The following MPP2 variants were observed in gnomAD, a reference collection of about 807,000 sequenced individuals.
MPP2 encodes MAGUK p55 scaffold protein 2.
A neutral mutation model predicts 58.5 loss-of-function variants in MPP2; 42 were observed. The ratio of observed to expected loss-of-function variants is 0.72; its 90% CI spans 0.56 to 0.93. The LOEUF (loss-of-function observed/expected upper bound fraction) is 0.93. Ranked by LOEUF, MPP2 falls within the 40% of genes least tolerant of loss-of-function variation. The pLI is 0.00. For missense variants in MPP2, 632 were observed against 760.4 expected, an observed-to-expected ratio of 0.83 and a Z score of 1.99; for synonymous variants, 300 against 307.8, an observed-to-expected ratio of 0.97 and a Z score of 0.26.
intron 3 of MPP2, among the ~76,000 whole-genome samples, chr17:43,893,569 C>A (rs1387148088): frequency 6.6e-6 from 1 of 152,212 alleles, no homozygotes; most frequent in East Asian, 1.9e-4. Flanking sequence ...AGTAGGTGAA[C>A]AGCAGGAGGT....
chr17:43,908,988 A>C (rs2048376105), upstream of MPP2, among the ~76,000 whole-genome samples: 1 of 152,246 alleles, frequency 6.6e-6, no homozygotes, highest in Non-Finnish European at 1.5e-5. Context: ...GTCTCTAAAC[A>C]AAGAGGGTTC....
At chr17:43,908,374 G>C (rs2048366486), upstream of MPP2, among the ~76,000 whole-genome samples, 1 of 152,216 alleles carries the variant, frequency 6.6e-6, no homozygotes, top group African/African-American at 2.4e-5. Context: ...ACCCCGTCCA[G>C]TTGCCCTGAA....
intron 1 of MPP2, chr17:43,906,117 AG>A (rs1662900860): frequency 1.0e-6 from 1 of 984,986 alleles, no homozygotes; most frequent in Admixed American, 6.1e-5. Flanking sequence ...TCTCCCTCAC[AG>A]GGTCAGAGAA....
intron 3 of MPP2, among the ~76,000 whole-genome samples, chr17:43,893,504 C>T (rs752660242): frequency 2.0e-5 from 3 of 152,176 alleles, no homozygotes; most frequent in Non-Finnish European, 4.4e-5. Flanking sequence ...TATATTAGAA[C>T]AGGGGTCCCC....
intron 3 of MPP2, among the ~76,000 whole-genome samples, chr17:43,887,754 C>A (rs1253204351): frequency 6.6e-6 from 1 of 151,840 alleles, no homozygotes; most frequent in Non-Finnish European, 1.5e-5. Flanking sequence ...CAGCAAGACC[C>A]CATCTCTATT....
intron 3 of MPP2, among the ~76,000 whole-genome samples, chr17:43,889,275 C>A (rs1255242344): frequency 6.6e-6 from 1 of 151,890 alleles, no homozygotes; most frequent in South Asian, 2.1e-4. Context: ...GAACCCACCA[C>A]CCAAACTAAA....
At chr17:43,893,371 A>T (rs2047687531) in intron 3 of MPP2, among the ~76,000 whole-genome samples, 1 of 152,250 alleles carries the variant, frequency 6.6e-6, no homozygotes, top group South Asian at 2.1e-4. Flanking sequence ...AGAAACCCTC[A>T]TATGCATGCA....
In MPP2 at chr17:43,876,638, G is replaced by GACACACAC. The variant is rs112263548; in HGVS notation, c.*1161_*1168dup. The GACACACAC allele has an allele frequency of 5.5e-3, 743 of 134,566 alleles. 1 individual carries two copies. The highest frequency in any genetic ancestry group is 0.022 in the Middle Eastern group (6 of 274). 8.3% of individuals were successfully genotyped at this position (134,566 alleles called of 1,614,324 possible). A position where few individuals can be genotyped will look rare whatever the true frequency, so the allele number is the denominator to read the frequency against. On this transcript the variant is annotated 3_prime_UTR_variant, in exon 13 of 13. Coordinates refer to ENST00000269095, the MANE Select transcript of MPP2 (RefSeq NM_005374.5). ...TTTGCTTCCTCCCCAAATTAAACCT[G>GACACACAC]ACACACACACACACACACGCACGTG...
At chr17:43,903,689 AAAC>A (rs570853978) in intron 2 of MPP2, among the ~76,000 whole-genome samples, 36 of 152,352 alleles carry the variant, frequency 2.4e-4, no homozygotes, top group South Asian at 1.9e-3. Flanking sequence ...CTTGTCTCAA[AAAC>A]AACAACAACA....
rs2047172188 is a variant in MPP2, at chr17:43,882,401, C to A, written c.564G>T (p.Val188=). 1 of 1,611,550 alleles carries A rather than the reference C, an allele frequency of 6.2e-7. No homozygotes were observed. Among genetic ancestry groups the A allele is most frequent in the South Asian group, 1.1e-5 (1 of 91,090 alleles). ...LLHVGDIIKE[V]NGQPVGSDPR... ...GGTCACTGCCCACTGGCTGCCCGTT[C>A]ACCTCCTTGATGATGTCACCCACAT... is the stretch of plus-strand genomic sequence containing the variant. Residue 188 remains valine, a synonymous_variant, in exon 6 of 13, where the codon GTG becomes GTT. Coordinates refer to ENST00000269095, the MANE Select transcript of MPP2 (RefSeq NM_005374.5).
intron 1 of MPP2, chr17:43,907,025 G>C: frequency 3.7e-6 from 1 of 271,170 alleles, no homozygotes. Flanking sequence ...TCCCAGGGAA[G>C]ATTGTGGTGT....
At chr17:43,899,666 T>C (rs903164132) in intron 2 of MPP2, among the ~76,000 whole-genome samples, 2 of 152,006 alleles carry the variant, frequency 1.3e-5, no homozygotes, top group African/African-American at 2.4e-5. Flanking sequence ...CTGGAGGCCT[T>C]GGTGTGACCC....
chr17:43,900,413 G>A (rs1253101302), intron 2 of MPP2: 2 of 1,532,886 alleles, frequency 1.3e-6, no homozygotes, highest in Non-Finnish European at 1.8e-6. Context: ...GACTCTGCTG[G>A]AGGAAGGTAG....
intron 2 of MPP2, chr17:43,900,485 T>G (rs1358208945): frequency 6.5e-7 from 1 of 1,544,338 alleles, no homozygotes; most frequent in East Asian, 2.5e-5. Context: ...CCTCTGGAGC[T>G]CCGCTTCCTC....
Position 43,881,283 on chromosome 17 carries a change from C to T in MPP2, c.880G>A (p.Ala294Thr). ...PSQLLEEKRK[A>T]FVKRDLELTP... ...AGCTCCAGGTCCCTCTTGACAAATG[C>T]TTTCCGCTTCTCCTCCAGCAGCTGG... Residue 294 changes from alanine to threonine, a missense_variant, in exon 8 of 13, where the codon GCA becomes ACA. Physicochemically the swap from Ala to Thr is moderately conservative, Grantham distance 58 (BLOSUM62 0). Transcript: ENST00000269095. The T allele has an allele frequency of 1.9e-6, 3 of 1,614,094 alleles. No individual in the cohort carries two copies. The highest frequency in any genetic ancestry group is 2.5e-6 in the Non-Finnish European group (3 of 1,180,008).
At position 43,879,847 on chromosome 17, in the gene MPP2, G is replaced by A. The variant is rs761972158; in HGVS notation, c.1288C>T (p.Arg430Cys). The change falls in exon 11 of 13, where the codon CGT (arginine) becomes TGT (cysteine). Residue 430 changes from arginine (R) to cysteine (C), a missense_variant. Arg to Cys is a radical substitution (Grantham distance 180). Transcript: ENST00000269095. This position sits in a 1 kb window ranked among gnomAD's most constrained non-coding sequence, Gnocchi z 4.1. Reference protein sequence around the residue: ...GEYEGNLYGTRIDSIRGVVAA... With the variant: ...GEYEGNLYGTCIDSIRGVVAA... ...ACCACGCCCCGGATGGAGTCAATACGTGTGCCATACAGGTTGCCCTCGTAT... is the reference window on the plus strand; with the variant it reads ...ACCACGCCCCGGATGGAGTCAATACATGTGCCATACAGGTTGCCCTCGTAT... 16 of 1,614,004 alleles carry A rather than the reference G, an allele frequency of 9.9e-6. No individual in the cohort carries two copies. Among genetic ancestry groups the A allele is most frequent in the South Asian group, 1.1e-5 (1 of 91,082 alleles).
At chr17:43,899,873 C>T (rs2048015000) in intron 2 of MPP2, among the ~76,000 whole-genome samples, 1 of 152,092 alleles carries the variant, frequency 6.6e-6, no homozygotes, top group Non-Finnish European at 1.5e-5. Flanking sequence ...AAGCGAGAAG[C>T]AGAATGTGCC....
intron 9 of MPP2, 31 bp downstream of exon 9, chr17:43,881,059 A>T: frequency 6.2e-7 from 1 of 1,606,870 alleles, no homozygotes; most frequent in Non-Finnish European, 8.5e-7. Flanking sequence ...ATGTTAGAGG[A>T]GGGTAAGGGA....
Position 43,887,954 on chromosome 17 carries a change from G to T in MPP2, c.151-4599C>A, listed in dbSNP as rs145435192. Among the ~76,000 whole-genome samples, 1,150 of 152,236 alleles carry T rather than the reference G, an allele frequency of 7.6e-3. 6 individuals carry two copies. Among genetic ancestry groups the T allele is most frequent in the Non-Finnish European group, 0.012 (794 of 68,026 alleles). ...GTACTCCAAAACAATGGAGGAGAGA[G>T]GGAAGCTGGTAAAGGTGTGGATGAA... On this transcript the variant is annotated intron_variant, in intron 3 of 12. Transcript: ENST00000269095.
Sources: gnomAD v4.1 joint callset for allele counts (sites outside exome capture counted in the v4.1 genomes callset) on GRCh38, gnomAD v4.1.1 for gene constraint, Gnocchi (gnomAD v3.1) non-coding constraint, MANE v1.5 for transcripts, NCBI Gene and HGNC (gene_info 2026-07-23, HGNC 2026-07-21) for gene names.